XPO1: variants seen among roughly 807,000 people sequenced by gnomAD.
The protein encoded by XPO1 is exportin 1.
Under a neutral mutation model 133.3 loss-of-function variants are expected in XPO1, and 5 were observed. The ratio of observed to expected loss-of-function variants is 0.04; its 90% CI spans 0.02 to 0.08. The LOEUF is 0.08. Ranked by LOEUF, XPO1 falls within the 10% of genes least tolerant of loss-of-function variation. The pLI is 1.00. For synonymous variants in XPO1, 419 were observed against 408.2 expected (o/e 1.03, Z -0.32); for missense variants, 506 against 1,267.5 (o/e 0.40, Z 9.12).
intron 4 of XPO1, among the ~76,000 whole-genome samples, chr2:61,509,682 T>C (rs1697996544): frequency 6.6e-6 from 1 of 152,146 alleles, no homozygotes; most frequent in Admixed American, 6.5e-5. Context: ...TTTGGAATGC[T>C]TAACTCGTGA....
chr2:61,483,085 T>C lies in XPO1; in HGVS notation c.2684A>G (p.Gln895Arg). Residue 895 changes from glutamine (Q) to arginine (R), a missense_variant, in exon 22 of 25, where the codon CAG becomes CGG. This residue lies in a region of XPO1 where 203 missense variants were observed against 365.9 expected (regional missense o/e 0.55). Transcript: ENST00000401558. ...ATTTTGTAAGAGTGTAAAAAGTATC[T>C]GTAAGCCTAAAAGACATAGAATACC... is the stretch of plus-strand genomic sequence containing the variant. ...TMRNVADTGL[Q>R]ILFTLLQNVA... The C allele has an allele frequency of 1.9e-6, 3 of 1,611,558 alleles. No homozygotes were observed. The highest frequency in any genetic ancestry group is 2.5e-6 in the Non-Finnish European group (3 of 1,179,300).
At chr2:61,522,082 T>C (rs1698723545) in intron 4 of XPO1, among the ~76,000 whole-genome samples, 1 of 151,266 alleles carries the variant, frequency 6.6e-6, no homozygotes, top group African/African-American at 2.4e-5. Context: ...ATATATGTTT[T>C]TTTGGAGATG....
At position 61,492,597 on chromosome 2, in the gene XPO1, G is replaced by A. The variant is rs373661184; in HGVS notation, c.1536C>T (p.Asp512=). 1.8e-5 allele frequency: 29 copies of A among 1,610,960 alleles called. No individual in the cohort carries two copies. Among genetic ancestry groups the A allele is most frequent in the African/African-American group, 4.0e-5 (3 of 74,750 alleles). ...GSISGAMHEE[D]EKRFLVTVIK... ...TAACAGTAACAAGAAATCGTTTTTCGTCCTCTTCATGCATTGCTCCACTAA... is the reference window on the plus strand; with the variant it reads ...TAACAGTAACAAGAAATCGTTTTTCATCCTCTTCATGCATTGCTCCACTAA... Residue 512 remains aspartate, a synonymous_variant, in exon 14 of 25, where the codon GAC becomes GAT. Coordinates refer to ENST00000401558, the MANE Select transcript of XPO1 (RefSeq NM_003400.4). The surrounding 1 kb of genome is among the most constrained non-coding windows in gnomAD (Gnocchi z 5.6).
rs150422872 is a variant in XPO1, at chr2:61,533,109, G to T, written c.126+663C>A. On this transcript the variant is annotated intron_variant, in intron 2 of 24. Coordinates refer to ENST00000401558, the MANE Select transcript of XPO1 (RefSeq NM_003400.4). ...CAAGACAATCGCTTGAACCCAGGAG[G>T]CAGGGGTTGCAGTGAGCTGAGATAG... Among the ~76,000 whole-genome samples the T allele has an allele frequency of 2.7e-3, 410 of 152,238 alleles. 2 individuals are homozygous for T. Among genetic ancestry groups the T allele is most frequent in the African/African-American group, 8.6e-3 (358 of 41,536 alleles).
chr2:61,503,385 T>C (rs1697636456), intron 4 of XPO1, among the ~76,000 whole-genome samples: 1 of 151,208 alleles, frequency 6.6e-6, no homozygotes, highest in Admixed American at 6.6e-5. Flanking sequence ...CTCAGCATCC[T>C]GAGCAGCTGG....
At chr2:61,497,743 T>C (rs1346281027) in intron 9 of XPO1, among the ~76,000 whole-genome samples, 1 of 152,144 alleles carries the variant, frequency 6.6e-6, no homozygotes, top group African/African-American at 2.4e-5. Context: ...TCGTCTGGGG[T>C]TGGAAATCAG....
chr2:61,493,878 C>T lies in XPO1; in HGVS notation c.1245+16G>A. 1 of 1,613,754 alleles carries T rather than the reference C, an allele frequency of 6.2e-7. No individual in the cohort carries two copies. Among genetic ancestry groups the T allele is most frequent in the South Asian group, 1.1e-5 (1 of 91,020 alleles). ...AGTATGCAACAGGAAGAACACTCAA[C>T]CAACCGCTCTGTTACCTTGAATAAC... On this transcript the variant is annotated intron_variant, in intron 12 of 24. Coordinates refer to ENST00000401558, the MANE Select transcript of XPO1 (RefSeq NM_003400.4).
intron 9 of XPO1, 84 bp from the exon 10 acceptor site, chr2:61,497,091 C>CT: frequency 6.7e-7 from 1 of 1,491,350 alleles, no homozygotes; most frequent in Non-Finnish European, 8.9e-7. Flanking sequence ...AGGAAAAAGG[C>CT]TTTAACAATT....
chr2:61,524,385 C>T (rs892685174), intron 3 of XPO1, among the ~76,000 whole-genome samples: 1 of 152,026 alleles, frequency 6.6e-6, no homozygotes. Context: ...ATACTGTTAC[C>T]TAAAATTACT....
chr2:61,524,290 TAAC>T, intron 3 of XPO1, among the ~76,000 whole-genome samples: 1 of 152,184 alleles, frequency 6.6e-6, no homozygotes, highest in Non-Finnish European at 1.5e-5. Flanking sequence ...ATCTTAAAGA[TAAC>T]TTCATCTTAT....
chr2:61,488,123 G>A (rs1287737275), intron 19 of XPO1, 42 bp downstream of exon 19: 3 of 1,530,320 alleles, frequency 2.0e-6, no homozygotes, highest in South Asian at 2.2e-5. Flanking sequence ...ATAAAACACA[G>A]CATCAACACT....
At chr2:61,526,342 C>CTAAA in intron 3 of XPO1, 78 bp downstream of exon 3, 1 of 1,512,006 alleles carries the variant, frequency 6.6e-7, no homozygotes, top group Non-Finnish European at 8.8e-7. Flanking sequence ...AATGCTAATA[C>CTAAA]TAAAAATGAG....
At position 61,498,760 on chromosome 2, in the gene XPO1, T is replaced by C. The variant is rs2104491204; in HGVS notation, c.672A>G (p.Ala224=). 1 of 1,614,086 alleles carries C rather than the reference T, an allele frequency of 6.2e-7. No homozygotes were observed. The highest frequency in any genetic ancestry group is 2.2e-5 in the East Asian group (1 of 44,846). Residue 224 remains alanine, a synonymous_variant, in exon 9 of 25, where the codon GCA becomes GCG. Coordinates refer to ENST00000401558, the MANE Select transcript of XPO1 (RefSeq NM_003400.4). ...GAAATCTGAGCAATGTTTCCAAGGT[T>C]GCATGTACAAGTGGAGCATTTTGAG... ...ENSQNAPLVH[A]TLETLLRFLN...
intron 5 of XPO1, 80 bp downstream of exon 5, chr2:61,502,169 T>C (rs1216994997): frequency 1.3e-6 from 2 of 1,550,258 alleles, no homozygotes; most frequent in African/African-American, 1.4e-5. Context: ...ACTATGTGTC[T>C]TGACAGAATT....
At chr2:61,515,139 A>G (rs566413978) in intron 4 of XPO1, among the ~76,000 whole-genome samples, 1 of 152,032 alleles carries the variant, frequency 6.6e-6, no homozygotes, top group Non-Finnish European at 1.5e-5. Context: ...CAACAAGCAC[A>G]TGTGAAGAGG....
intron 4 of XPO1, among the ~76,000 whole-genome samples, chr2:61,511,290 A>G (rs1698086040): frequency 6.6e-6 from 1 of 151,944 alleles, no homozygotes. Context: ...CGCCCAGCTA[A>G]TTTTTTTGTT....
At chr2:61,537,506 GC>G (rs1699405855) in intron 1 of XPO1, 55 bp downstream of exon 1, 1 of 144,470 alleles carries the variant, frequency 6.9e-6, no homozygotes, top group African/African-American at 2.5e-5. Context: ...GCCTCCTCCC[GC>G]CCGCCCGGCC....
intron 21 of XPO1, chr2:61,483,398 C>T (rs1429132955): frequency 1.5e-5 from 4 of 266,864 alleles, no homozygotes; most frequent in African/African-American, 9.1e-5. Flanking sequence ...GATAAGACTA[C>T]ACATAAGGTG....
At position 61,526,636 on chromosome 2, in the gene XPO1, T is replaced by C. The variant is rs1698914078; in HGVS notation, c.127-115A>G. 5.4e-6 allele frequency: 4 copies of C among 736,468 alleles called. No individual in the cohort carries two copies. The East Asian group carries it at 1.3e-4, about 24-fold the overall frequency. The allele number at this position is 736,468 out of a possible 1,614,324, so 45.6% of individuals were successfully genotyped here. ...TCTAATTGGACAGAGATTCTATTAT[T>C]GATGTTCAGAAATACTCAAAAATTA... On this transcript the variant is annotated intron_variant, in intron 2 of 24. Transcript: ENST00000401558.
Sources: gnomAD v4.1 joint callset for allele counts (sites outside exome capture counted in the v4.1 genomes callset) on GRCh38, gnomAD v4.1.1 for gene constraint, gnomAD v4.1.1 regional missense constraint, Gnocchi (gnomAD v3.1) non-coding constraint, MANE v1.5 for transcripts, NCBI Gene and HGNC (gene_info 2026-07-23, HGNC 2026-07-21) for gene names.